IKBKB: variants seen among roughly 807,000 people sequenced by gnomAD.
IKBKB encodes inhibitor of nuclear factor kappa-B kinase subunit beta.
Under a neutral mutation model 113.6 loss-of-function variants are expected in IKBKB, and 42 were observed. The ratio of observed to expected loss-of-function variants is 0.37; its 90% CI spans 0.29 to 0.48. The LOEUF (loss-of-function observed/expected upper bound fraction) is 0.48. Ranked by LOEUF, IKBKB falls within the 20% of genes least tolerant of loss-of-function variation. IKBKB has a pLI of 0.99. For synonymous variants in IKBKB, 296 were observed against 361.3 expected, an observed-to-expected ratio of 0.82 and a Z score of 2.05; for missense variants, 673 against 939.7, an observed-to-expected ratio of 0.72 and a Z score of 3.71.
chr8:42,278,074 G>T (rs987676547), intron 2 of IKBKB, among the ~76,000 whole-genome samples: 1 of 152,212 alleles, frequency 6.6e-6, no homozygotes, highest in Non-Finnish European at 1.5e-5. Context: ...TTCCGTTGGG[G>T]TGGGATCAGT....
At chr8:42,317,610 G>A in intron 11 of IKBKB, 47 bp from the exon 12 acceptor site, 2 of 1,240,168 alleles carry the variant, frequency 1.6e-6, no homozygotes, top group Non-Finnish European at 2.4e-6. Flanking sequence ...AGTTAGAAAA[G>A]AGAGGGTTGG....
intron 16 of IKBKB, 161 bp from the exon 17 acceptor site, chr8:42,321,735 A>G: frequency 1.7e-6 from 1 of 596,038 alleles, no homozygotes; most frequent in South Asian, 2.2e-5. Flanking sequence ...TCACATCTGT[A>G]ATCCCAGCAC....
At chr8:42,301,720 G>A (rs1815247028) in intron 5 of IKBKB, among the ~76,000 whole-genome samples, 1 of 152,246 alleles carries the variant, frequency 6.6e-6, no homozygotes, top group African/African-American at 2.4e-5. Flanking sequence ...AGTAGTCAGA[G>A]TATTCAGTTA....
chr8:42,274,053 C>CA (rs956009675), intron 2 of IKBKB, among the ~76,000 whole-genome samples: 4 of 151,432 alleles, frequency 2.6e-5, no homozygotes, highest in African/African-American at 4.9e-5. Flanking sequence ...TTTCCGGAGA[C>CA]AGAGTCTCGC....
intron 2 of IKBKB, among the ~76,000 whole-genome samples, chr8:42,275,308 C>T (rs1334764469): frequency 6.6e-6 from 1 of 151,472 alleles, no homozygotes; most frequent in African/African-American, 2.4e-5. Context: ...CTGCCTCGGC[C>T]TCCTGAGTAG....
At chr8:42,312,408 T>G (rs1817888601) in intron 8 of IKBKB, among the ~76,000 whole-genome samples, 1 of 152,208 alleles carries the variant, frequency 6.6e-6, no homozygotes, top group African/African-American at 2.4e-5. Context: ...GTGGCCAGTT[T>G]CAAGTAGATT....
intron 5 of IKBKB, among the ~76,000 whole-genome samples, chr8:42,294,778 C>G (rs2130374459): frequency 6.6e-6 from 1 of 152,362 alleles, no homozygotes; most frequent in South Asian, 2.1e-4. Flanking sequence ...AGTCTCTTCT[C>G]TGTCTACCTA....
intron 3 of IKBKB, among the ~76,000 whole-genome samples, chr8:42,289,395 A>G (rs1164893293): frequency 6.6e-6 from 1 of 152,222 alleles, no homozygotes; most frequent in Non-Finnish European, 1.5e-5. Flanking sequence ...CAGTTATCAC[A>G]GTGACTTTTC....
At chr8:42,289,251 C>T (rs1812069375) in intron 3 of IKBKB, among the ~76,000 whole-genome samples, 1 of 152,310 alleles carries the variant, frequency 6.6e-6, no homozygotes, top group East Asian at 1.9e-4. Context: ...TCTGCCCCTC[C>T]ATCAGGGCGC....
intron 12 of IKBKB, 27 bp from the exon 13 acceptor site, chr8:42,318,525 G>A: frequency 6.2e-7 from 1 of 1,607,670 alleles, no homozygotes; most frequent in Non-Finnish European, 8.5e-7. Context: ...GTTATTCTTT[G>A]ACAATTGCTT....
intron 19 of IKBKB, chr8:42,325,342 T>A (rs1339515411): frequency 1.0e-6 from 1 of 985,726 alleles, no homozygotes; most frequent in Non-Finnish European, 1.2e-6. Flanking sequence ...TGTGTGTGTC[T>A]GTCTTCTACC....
At chr8:42,309,091 T>C in intron 8 of IKBKB, 66 bp downstream of exon 8, 2 of 1,524,784 alleles carry the variant, frequency 1.3e-6, no homozygotes, top group South Asian at 2.4e-5. Context: ...TCACGTACCC[T>C]GTTTCCCTGG....
At chr8:42,295,943 T>G (rs1813695922) in intron 5 of IKBKB, among the ~76,000 whole-genome samples, 1 of 152,222 alleles carries the variant, frequency 6.6e-6, no homozygotes, top group Non-Finnish European at 1.5e-5. Flanking sequence ...AAGTTACACA[T>G]AAATTAGAAT....
At chr8:42,297,307 G>A (rs2130413589) in intron 5 of IKBKB, among the ~76,000 whole-genome samples, 1 of 152,302 alleles carries the variant, frequency 6.6e-6, no homozygotes, top group Non-Finnish European at 1.5e-5. Context: ...AACATTTCCT[G>A]AGCATATTTT....
chr8:42,328,247 CTTTTTTT>C (rs59970761), intron 20 of IKBKB, among the ~76,000 whole-genome samples: 4 of 132,538 alleles, frequency 3.0e-5, no homozygotes, highest in South Asian at 2.5e-4. Flanking sequence ...GCACCCGGCC[CTTTTTTT>C]TTTTTTTTTT....
At chr8:42,325,154 T>C in intron 19 of IKBKB, 1 of 902,728 alleles carries the variant, frequency 1.1e-6, no homozygotes, top group Non-Finnish European at 1.3e-6. Flanking sequence ...GACCTGAAGA[T>C]TGGCCGGCGG....
Position 42,319,899 on chromosome 8 carries a change from G to A in IKBKB, c.1578+253G>A, listed in dbSNP as rs999354903. 3.6e-5 allele frequency: 15 copies of A among 417,756 alleles called. No individual in the cohort carries two copies. In the South Asian group the frequency reaches 4.2e-4, roughly 12 times the overall value. The allele number at this position is 417,756 out of a possible 1,614,324, so 25.9% of individuals were successfully genotyped here. A position where few individuals can be genotyped will look rare whatever the true frequency, so the allele number is the denominator to read the frequency against. ...AGGTTTAAATAAGAAGCAAGGGTTA[G>A]GTTCCCTTGGGGAAAAGCCAAGACC... On this transcript the variant is annotated intron_variant, in intron 15 of 21. Transcript: ENST00000520810.
chr8:42,321,842 A>C, intron 16 of IKBKB, 54 bp from the exon 17 acceptor site: 1 of 1,352,118 alleles, frequency 7.4e-7, no homozygotes, highest in East Asian at 2.3e-5. Flanking sequence ...AAAAAATGTA[A>C]AAATTAGCCA....
In IKBKB at chr8:42,316,830, C is replaced by G; in HGVS notation, c.1051C>G (p.Gln351Glu). The change falls in exon 11 of 22, where the codon CAG (glutamine) becomes GAG (glutamate). Residue 351 changes from glutamine (Q) to glutamate (E), a missense_variant. Gln to Glu is a conservative substitution (Grantham distance 29). This residue lies in a region of IKBKB where 506 missense variants were observed against 638.7 expected (regional missense o/e 0.79). Transcript: ENST00000520810. This position sits in a 1 kb window ranked among gnomAD's most constrained non-coding sequence, Gnocchi z 4.5. The stretch of plus-strand genomic sequence containing the variant: ...GGACACGGGCATCCCAGAGGAGGAC[C>G]AGGAGCTGCTGCAGGAAGCGGGCCT... ...QQDTGIPEED[Q>E]ELLQEAGLAL... 6.2e-7 allele frequency: 1 copy of G among 1,614,116 alleles called. No homozygotes were observed. The highest frequency in any genetic ancestry group is 1.6e-4 in the Middle Eastern group (1 of 6,062).
Sources: allele counts gnomAD v4.1 joint callset (sites outside exome capture counted in the v4.1 genomes callset), GRCh38; gene constraint gnomAD v4.1.1; regional missense constraint gnomAD v4.1.1; non-coding constraint Gnocchi (gnomAD v3.1); transcripts MANE v1.5; gene names NCBI Gene and HGNC (gene_info 2026-07-23, HGNC 2026-07-21).